UNC5D: variants seen among roughly 807,000 people sequenced by gnomAD.
The protein encoded by UNC5D is netrin receptor UNC5D.
A neutral mutation model predicts 105.4 loss-of-function variants in UNC5D; 39 were observed. The observed-to-expected ratio is 0.37, with a 90% CI of 0.29 to 0.48. The LOEUF (loss-of-function observed/expected upper bound fraction) is 0.48. Ranked by LOEUF, UNC5D falls within the 20% of genes least tolerant of loss-of-function variation. The pLI, the probability that UNC5D is intolerant of heterozygous loss-of-function variation, is 0.98. For missense variants in UNC5D, 991 were observed against 1,202.4 expected, an observed-to-expected ratio of 0.82 and a Z score of 2.60; for synonymous variants, 452 against 450.4, an observed-to-expected ratio of 1.00 and a Z score of -0.04.
intron 4 of UNC5D, among the ~76,000 whole-genome samples, chr8:35,602,416 A>G (rs990050709): frequency 6.6e-6 from 1 of 152,154 alleles, no homozygotes; most frequent in African/African-American, 2.4e-5. Context: ...TCGGCCATAA[A>G]TCCATCTGGT....
At chr8:35,394,994 G>C (rs1371429312) in intron 1 of UNC5D, among the ~76,000 whole-genome samples, 2 of 152,266 alleles carry the variant, frequency 1.3e-5, no homozygotes, top group African/African-American at 2.4e-5. Context: ...TGGAGCAATG[G>C]GAAGACCTCA....
At chr8:35,657,045 A>AGTGTGTGT (rs3076999) in intron 4 of UNC5D, among the ~76,000 whole-genome samples, 67 of 70,916 alleles carry the variant, frequency 9.4e-4, no homozygotes, top group African/African-American at 3.5e-3. Flanking sequence ...AGTGCAGTGG[A>AGTGTGTGT]GTGTGTGTGT....
chr8:35,779,556 T>C (rs1210724994), intron 16 of UNC5D, among the ~76,000 whole-genome samples: 2 of 152,114 alleles, frequency 1.3e-5, no homozygotes. Context: ...CTTCCTGAGT[T>C]CAAGTGATTC....
chr8:35,587,880 ATAAT>A (rs1205994359), intron 3 of UNC5D, among the ~76,000 whole-genome samples: 1 of 150,236 alleles, frequency 6.7e-6, no homozygotes, highest in East Asian at 2.0e-4. Flanking sequence ...GATAAAGGAG[ATAAT>A]TAATATACCA....
chr8:35,593,994 T>C (rs1015056133), intron 3 of UNC5D, among the ~76,000 whole-genome samples: 25 of 152,172 alleles, frequency 1.6e-4, no homozygotes, highest in Admixed American at 6.5e-5. Context: ...CCTTCACAGT[T>C]TTGTTATCAG....
chr8:35,668,158 G>C (rs971913396), intron 4 of UNC5D, among the ~76,000 whole-genome samples: 1 of 151,894 alleles, frequency 6.6e-6, no homozygotes, highest in Non-Finnish European at 1.5e-5. Context: ...ATTCATTATT[G>C]GTAAGGATGA....
intron 16 of UNC5D, among the ~76,000 whole-genome samples, chr8:35,778,054 G>A (rs1802336420): frequency 6.6e-6 from 1 of 152,208 alleles, no homozygotes; most frequent in South Asian, 2.1e-4. Context: ...AATAATGGGT[G>A]TGAGGCTGCC....
At chr8:35,416,327 A>C (rs1483176234) in intron 1 of UNC5D, among the ~76,000 whole-genome samples, 1 of 152,156 alleles carries the variant, frequency 6.6e-6, no homozygotes, top group Non-Finnish European at 1.5e-5. Context: ...TGTAAAAAAC[A>C]CTCTAAAGAG....
intron 1 of UNC5D, among the ~76,000 whole-genome samples, chr8:35,495,483 C>CAAAAAAAAAAAA (rs1442607841): frequency 8.7e-6 from 1 of 115,452 alleles, no homozygotes. Context: ...AAAAAAAAAG[C>CAAAAAAAAAAAA]AAAAAAATCT....
intron 1 of UNC5D, among the ~76,000 whole-genome samples, chr8:35,338,627 G>T (rs1322708826): frequency 6.6e-6 from 1 of 152,116 alleles, no homozygotes; most frequent in East Asian, 1.9e-4. Context: ...ACAGAGGAGG[G>T]TTTGTAGAGG....
intron 1 of UNC5D, among the ~76,000 whole-genome samples, chr8:35,298,420 A>G (rs1278625073): frequency 2.0e-5 from 3 of 152,168 alleles, no homozygotes; most frequent in African/African-American, 4.8e-5. Context: ...TCAGAGGCTT[A>G]GGTACTCTCT....
intron 4 of UNC5D, among the ~76,000 whole-genome samples, chr8:35,650,107 T>C (rs1031360744): frequency 1.3e-5 from 2 of 152,054 alleles, no homozygotes; most frequent in Non-Finnish European, 2.9e-5. Flanking sequence ...AAAATGTGTA[T>C]TGAAACTACA....
chr8:35,686,563 T>G lies in UNC5D; in HGVS notation c.938T>G (p.Val313Gly), dbSNP rs372276235. ...TTTGAAGTGGATGGGAGCTGGGAAG[T>G]GTGGAGCGAATGGTCCGTCTGCAGT... ...SLCPVDGSWE[V>G]WSEWSVCSPE... The change falls in exon 7 of 17, where the codon GTG becomes GGG. Residue 313 changes from valine (V) to glycine (G), a missense_variant. Physicochemically the swap from Val to Gly is moderately radical, Grantham distance 109. Around this residue, in one of 3 missense-constraint regions of UNC5D, gnomAD observed 944 missense variants for 1,131.6 expected, o/e 0.83. Transcript: ENST00000404895. 4 of 1,584,468 alleles carry G rather than the reference T, an allele frequency of 2.5e-6. No individual in the cohort carries two copies. Among genetic ancestry groups the G allele is most frequent in the Non-Finnish European group, 3.4e-6 (4 of 1,170,220 alleles).
At chr8:35,782,506 T>TG (rs1348945137) in intron 16 of UNC5D, among the ~76,000 whole-genome samples, 2 of 150,694 alleles carry the variant, frequency 1.3e-5, no homozygotes, top group Admixed American at 1.3e-4. Flanking sequence ...TCAAAAATTT[T>TG]TTTTTTTTTT....
At chr8:35,287,975 G>GT (rs1284140010) in intron 1 of UNC5D, among the ~76,000 whole-genome samples, 2 of 152,018 alleles carry the variant, frequency 1.3e-5, no homozygotes, top group Admixed American at 1.3e-4. Context: ...TAGAACACCA[G>GT]TAAGTGGACT....
chr8:35,451,489 C>T (rs565520806), intron 1 of UNC5D, among the ~76,000 whole-genome samples: 1 of 152,180 alleles, frequency 6.6e-6, no homozygotes, highest in African/African-American at 2.4e-5. Context: ...GCATTGTTAT[C>T]CCAGTTTTAT....
chr8:35,472,266 C>G (rs1290939434), intron 1 of UNC5D, among the ~76,000 whole-genome samples: 1 of 152,032 alleles, frequency 6.6e-6, no homozygotes, highest in East Asian at 1.9e-4. Flanking sequence ...AACCTCTACT[C>G]ACAAGAGGAG....
chr8:35,594,832 C>T (rs1361860158), intron 3 of UNC5D, among the ~76,000 whole-genome samples: 1 of 152,128 alleles, frequency 6.6e-6, no homozygotes, highest in Non-Finnish European at 1.5e-5. Flanking sequence ...TCTCTGTGAC[C>T]ACTGGCAAGC....
Position 35,790,374 on chromosome 8 carries a change from C to A in UNC5D, c.2673C>A (p.Phe891Leu). The part of the protein sequence containing the change: ...KNSINRNLSY[F>L]ATQSSPSAVI... Reference sequence around the variant, plus strand: ...CTCCATCTAGGAATTTATCTTATTTCGCTACACAAAGTAGCCCATCTGCTG... The same window carrying A: ...CTCCATCTAGGAATTTATCTTATTTAGCTACACAAAGTAGCCCATCTGCTG... The change falls in exon 17 of 17, where the codon TTC (phenylalanine) becomes TTA (leucine). Residue 891 changes from phenylalanine (F) to leucine (L), a missense_variant. Phe to Leu is a conservative substitution (Grantham distance 22). This residue lies in a region of UNC5D where 944 missense variants were observed against 1,131.6 expected (regional missense o/e 0.83). Transcript: ENST00000404895. 1 of 1,613,690 alleles carries A rather than the reference C, an allele frequency of 6.2e-7. No homozygotes were observed. The highest frequency in any genetic ancestry group is 8.5e-7 in the Non-Finnish European group (1 of 1,179,780).
Sources: gnomAD v4.1 joint callset for allele counts (sites outside exome capture counted in the v4.1 genomes callset) on GRCh38, gnomAD v4.1.1 for gene constraint, gnomAD v4.1.1 regional missense constraint, MANE v1.5 for transcripts, NCBI Gene and HGNC (gene_info 2026-07-23, HGNC 2026-07-21) for gene names.